Variants in AUTS2 observed in about 807,000 individuals in gnomAD.
AUTS2 encodes the protein autism susceptibility gene 2 protein.
AUTS2 carries 17 observed loss-of-function variants against 112.4 expected under a neutral mutation model. That is an observed-to-expected ratio of 0.15 (90% CI 0.10 to 0.23). The LOEUF is 0.23. Ranked by LOEUF, AUTS2 falls within the 10% of genes least tolerant of loss-of-function variation. AUTS2 has a pLI of 1.00. For synonymous variants in AUTS2, 751 were observed against 702.7 expected (o/e 1.07, Z -1.09); for missense variants, 1,510 against 1,701.6 (o/e 0.89, Z 1.98).
chr7:69,636,492 C>G (rs1281139793), intron 1 of AUTS2, among the ~76,000 whole-genome samples: 1 of 101,560 alleles, frequency 9.8e-6, no homozygotes. Flanking sequence ...CCCCCCCCCC[C>G]CTTGGCCTCC....
At chr7:69,974,937 C>A (rs555807223) in intron 2 of AUTS2, among the ~76,000 whole-genome samples, 1 of 151,964 alleles carries the variant, frequency 6.6e-6, no homozygotes, top group Non-Finnish European at 1.5e-5. Flanking sequence ...ATTGCTCTTT[C>A]TTCTGTCCTA....
At chr7:69,767,746 A>G (rs1430715504) in intron 1 of AUTS2, among the ~76,000 whole-genome samples, 7 of 152,100 alleles carry the variant, frequency 4.6e-5, no homozygotes, top group Non-Finnish European at 1.0e-4. Context: ...CCTCTCCAAT[A>G]CCTTACCTGG....
At chr7:69,612,597 C>A (rs1793108695) in intron 1 of AUTS2, among the ~76,000 whole-genome samples, 1 of 151,986 alleles carries the variant, frequency 6.6e-6, no homozygotes, top group South Asian at 2.1e-4. Flanking sequence ...GTAGCTGGGA[C>A]CACAGGCGCG....
At position 70,764,866 on chromosome 7, in the gene AUTS2, C is replaced by T; in HGVS notation, c.1329C>T (p.Ser443=). ...LSLPNHSPLH[S]FTPTLQPPAH... is the part of the protein sequence containing the mutation. ...TGCCCAACCACAGCCCCCTGCACAGCTTCACACCCACCCTCCAGCCCCCCG... is the reference window on the plus strand; with the variant it reads ...TGCCCAACCACAGCCCCCTGCACAGTTTCACACCCACCCTCCAGCCCCCCG... The change falls in exon 8 of 19, where the codon AGC becomes AGT. Residue 443 remains serine (S), a synonymous_variant. Transcript: ENST00000342771. 2 of 1,579,180 alleles carry T rather than the reference C, an allele frequency of 1.3e-6. No homozygotes were observed. The highest frequency in any genetic ancestry group is 1.1e-5 in the South Asian group (1 of 88,100).
At chr7:70,755,382 A>T (rs1006592233) in intron 6 of AUTS2, among the ~76,000 whole-genome samples, 1 of 152,108 alleles carries the variant, frequency 6.6e-6, no homozygotes, top group African/African-American at 2.4e-5. Flanking sequence ...TCTATTCAAT[A>T]GTCCAGGCAT....
intron 4 of AUTS2, among the ~76,000 whole-genome samples, chr7:70,380,286 A>G (rs1420750233): frequency 6.6e-6 from 1 of 152,140 alleles, no homozygotes; most frequent in African/African-American, 2.4e-5. Flanking sequence ...ATTTGCTCAA[A>G]TAGAGACCAA....
intron 1 of AUTS2, among the ~76,000 whole-genome samples, chr7:69,680,139 G>T (rs1039653450): frequency 1.3e-5 from 2 of 152,142 alleles, no homozygotes; most frequent in African/African-American, 2.4e-5. Flanking sequence ...GTGGGTTTAG[G>T]CATGCTGCCT....
At chr7:70,546,912 G>C (rs772279215) in intron 5 of AUTS2, among the ~76,000 whole-genome samples, 3 of 152,074 alleles carry the variant, frequency 2.0e-5, no homozygotes, top group Admixed American at 6.5e-5. Context: ...TTTAGATTTT[G>C]TTTTCTTTTG....
intron 5 of AUTS2, among the ~76,000 whole-genome samples, chr7:70,608,036 C>G (rs1190760008): frequency 6.6e-6 from 1 of 152,158 alleles, no homozygotes; most frequent in Non-Finnish European, 1.5e-5. Context: ...GCACAGAGTA[C>G]CAGGATGCCT....
At chr7:70,625,166 T>C (rs1339834184) in intron 5 of AUTS2, among the ~76,000 whole-genome samples, 1 of 152,192 alleles carries the variant, frequency 6.6e-6, no homozygotes, top group Non-Finnish European at 1.5e-5. Context: ...GCATAATGAA[T>C]TAGAGATTCT....
chr7:70,032,979 G>A (rs1007637815), intron 2 of AUTS2, among the ~76,000 whole-genome samples: 1 of 152,114 alleles, frequency 6.6e-6, no homozygotes, highest in Non-Finnish European at 1.5e-5. Flanking sequence ...TCCAGAATAG[G>A]CAAATCTGTA....
At chr7:69,953,470 C>T (rs1209715292) in intron 2 of AUTS2, among the ~76,000 whole-genome samples, 3 of 152,144 alleles carry the variant, frequency 2.0e-5, no homozygotes, top group African/African-American at 7.2e-5. Context: ...AAACCACTAA[C>T]AGCAGTAAGG....
intron 1 of AUTS2, among the ~76,000 whole-genome samples, chr7:69,792,728 G>T (rs998154607): frequency 1.9e-4 from 29 of 151,974 alleles, no homozygotes; most frequent in Non-Finnish European, 3.8e-4. Context: ...TATCTGAATT[G>T]CCTAAGGCCT....
rs1793264716 is a variant in AUTS2 at position 70,379,393 on chromosome 7, T to C, written c.661-56359T>C. Among the ~76,000 whole-genome samples, 8 of 151,558 alleles carry C rather than the reference T, an allele frequency of 5.3e-5. No individual in the cohort carries two copies. In the South Asian group the frequency reaches 1.7e-3, roughly 32 times the overall value. On this transcript the variant is annotated intron_variant, in intron 4 of 18. Transcript: ENST00000342771. Reference sequence around the variant, plus strand: ...GGTGTGCACCTGTGATCCCAGTGACTCAGAAGGCTGAGGTGGGAGAATCAC... The same window carrying C: ...GGTGTGCACCTGTGATCCCAGTGACCCAGAAGGCTGAGGTGGGAGAATCAC...
chr7:70,585,588 A>C (rs1323455948), intron 5 of AUTS2, among the ~76,000 whole-genome samples: 1 of 152,158 alleles, frequency 6.6e-6, no homozygotes, highest in Non-Finnish European at 1.5e-5. Flanking sequence ...TGCCATCACC[A>C]AGGTGACCAT....
chr7:69,836,931 T>C (rs910188846), intron 1 of AUTS2, among the ~76,000 whole-genome samples: 2 of 152,164 alleles, frequency 1.3e-5, no homozygotes, highest in Non-Finnish European at 2.9e-5. Flanking sequence ...CCATAATTAG[T>C]ACACAGTAAA....
At position 69,760,490 on chromosome 7, in the gene AUTS2, A is replaced by G. The variant is rs2129285026; in HGVS notation, c.310-138796A>G. On this transcript the variant is annotated intron_variant, in intron 1 of 18. Transcript: ENST00000342771. ...GAGAGACTAAAATTAGGGCAGAGAA[A>G]CCTAAATCCTACATACAAAGAGCTG... Among the ~76,000 whole-genome samples, 2 of 152,216 alleles carry G rather than the reference A, an allele frequency of 1.3e-5. 1 individual carries two copies. Among genetic ancestry groups the G allele is most frequent in the South Asian group, 4.2e-4 (2 of 4,808 alleles).
intron 1 of AUTS2, among the ~76,000 whole-genome samples, chr7:69,850,049 C>G (rs1412772131): frequency 1.3e-5 from 2 of 152,008 alleles, no homozygotes; most frequent in African/African-American, 4.8e-5. Flanking sequence ...AATCCCAGCA[C>G]TTTGGGAGGC....
chr7:70,268,585 T>C (rs1022122104), intron 4 of AUTS2, among the ~76,000 whole-genome samples: 2 of 152,216 alleles, frequency 1.3e-5, no homozygotes, highest in African/African-American at 2.4e-5. Context: ...CTCTTAACCC[T>C]TCTTTACCTC....
Sources: gnomAD v4.1 joint callset for allele counts (sites outside exome capture counted in the v4.1 genomes callset) on GRCh38, gnomAD v4.1.1 for gene constraint, MANE v1.5 for transcripts, NCBI Gene and HGNC (gene_info 2026-07-23, HGNC 2026-07-21) for gene names.